Variants in MATR3 observed in about 807,000 individuals in gnomAD.
MATR3 encodes the protein matrin-3.
Under a neutral mutation model 85.5 loss-of-function variants are expected in MATR3, and 4 were observed. The observed-to-expected ratio is 0.05, with a 90% CI of 0.02 to 0.11. The LOEUF (loss-of-function observed/expected upper bound fraction) is 0.11. Among genes scored for constraint, MATR3 ranks in the 10% least tolerant of loss-of-function variants. The pLI is 1.00. For missense variants in MATR3, 685 were observed against 1,016.1 expected, an observed-to-expected ratio of 0.67 and a Z score of 4.43; for synonymous variants, 336 against 343.1, an observed-to-expected ratio of 0.98 and a Z score of 0.23.
chr5:139,318,551 T>C (rs978383032), intron 7 of MATR3, among the ~76,000 whole-genome samples: 2 of 152,206 alleles, frequency 1.3e-5, no homozygotes, highest in African/African-American at 4.8e-5. Context: ...GCCATTCTCC[T>C]GCCTCAGCCT....
At chr5:139,285,472 G>A (rs1484614808) in intron 3 of MATR3, among the ~76,000 whole-genome samples, 3 of 152,056 alleles carry the variant, frequency 2.0e-5, no homozygotes, top group Non-Finnish European at 2.9e-5. Context: ...AAGAAACTGT[G>A]GGCCAGAATA....
rs766260538 is a variant in MATR3, at chr5:139,330,574, G to C, written c.*1179G>C. On this transcript the variant is annotated 3_prime_UTR_variant, in exon 15 of 15. Coordinates refer to ENST00000394805, the MANE Select transcript of MATR3 (RefSeq NM_018834.6). ...GAGTTTTAAAAATGTTGTTGCTGGT[G>C]GATTTCTTGTTCCTGTTACATAACT... 15 of 453,890 alleles carry C rather than the reference G, an allele frequency of 3.3e-5. No homozygotes were observed. The highest frequency in any genetic ancestry group is 4.9e-5 in the Non-Finnish European group (11 of 226,756). The allele number at this position is 453,890 out of a possible 1,614,324, so 28.1% of individuals were successfully genotyped here.
chr5:139,303,000 CATAA>C (rs1754528758), intron 1 of MATR3, among the ~76,000 whole-genome samples: 1 of 149,346 alleles, frequency 6.7e-6, no homozygotes, highest in Non-Finnish European at 1.5e-5. Flanking sequence ...ATGGTTAAAC[CATAA>C]ATAATCTTTC....
chr5:139,290,405 G>A (rs1375967076), upstream of MATR3, among the ~76,000 whole-genome samples: 2 of 130,110 alleles, frequency 1.5e-5, no homozygotes, highest in Non-Finnish European at 3.1e-5. Context: ...AAAATTCTGT[G>A]ATTACAGGCA....
chr5:139,290,497 G>A (rs1382239562), upstream of MATR3, among the ~76,000 whole-genome samples: 1 of 129,918 alleles, frequency 7.7e-6, no homozygotes, highest in African/African-American at 3.1e-5. Flanking sequence ...CCTAGCTGGA[G>A]TGCAGTGCCA....
At chr5:139,311,224 T>A (rs1581239105) in intron 2 of MATR3, 1 of 152,326 alleles carries the variant, frequency 6.6e-6, no homozygotes, top group South Asian at 2.1e-4. Context: ...TTTCTGCCAT[T>A]CTGTAAGTGC....
intron 9 of MATR3, 77 bp downstream of exon 9, chr5:139,319,578 A>T (rs1755433695): frequency 1.5e-6 from 2 of 1,346,468 alleles, no homozygotes; most frequent in South Asian, 1.3e-5. Context: ...GCTGGGCGTC[A>T]TTCCTCAACC....
intron 3 of MATR3, among the ~76,000 whole-genome samples, chr5:139,285,068 G>A (rs1294058446): frequency 6.6e-6 from 1 of 152,168 alleles, no homozygotes; most frequent in Non-Finnish European, 1.5e-5. Context: ...GAACTTGTGT[G>A]GTGCTGAATG....
intron 13 of MATR3, 101 bp from the exon 14 acceptor site, chr5:139,326,062 A>C: frequency 8.7e-7 from 1 of 1,155,344 alleles, no homozygotes; most frequent in East Asian, 2.4e-5. Context: ...TGGACTTCTC[A>C]AAAACATGTT....
At chr5:139,325,862 G>A (rs545293800) in intron 13 of MATR3, among the ~76,000 whole-genome samples, 200 bp downstream of exon 13, 2 of 152,072 alleles carry the variant, frequency 1.3e-5, no homozygotes, top group African/African-American at 4.8e-5. Context: ...ATTATTTTCT[G>A]TTGTTATTCC....
At chr5:139,287,809 C>T (rs1396654201) in intron 3 of MATR3, among the ~76,000 whole-genome samples, 1 of 152,172 alleles carries the variant, frequency 6.6e-6, no homozygotes, top group African/African-American at 2.4e-5. Context: ...TGAGGTCAAA[C>T]TCCTTGTCAA....
chr5:139,316,283 T>A, intron 5 of MATR3, 95 bp downstream of exon 5: 1 of 931,230 alleles, frequency 1.1e-6, no homozygotes, highest in South Asian at 1.4e-5. Context: ...TTTGCTCTTA[T>A]CGCCCAGGCT....
chr5:139,281,583 C>T (rs1348975475), intron 3 of MATR3, among the ~76,000 whole-genome samples: 1 of 151,688 alleles, frequency 6.6e-6, no homozygotes, highest in Admixed American at 6.6e-5. Flanking sequence ...AAACTCCTTA[C>T]CTCAGGTGAT....
chr5:139,285,776 CAAT>C (rs1753682201), intron 3 of MATR3, among the ~76,000 whole-genome samples: 3 of 152,136 alleles, frequency 2.0e-5, no homozygotes, highest in Admixed American at 2.0e-4. Flanking sequence ...CTAGAGAACA[CAAT>C]GACTAAATTG....
Position 139,293,809 on chromosome 5 carries a change from G to T in MATR3, c.-178+4G>T. On this transcript the variant is annotated splice_donor_region_variant and intron_variant, in intron 1 of 14. Transcript: ENST00000394805. The stretch of plus-strand genomic sequence containing the variant: ...TTTCCCTCTCCCTTTCCCTAAGGTA[G>T]GCGTGAAGCGGGTAAGAGTCGGGGT... 1 of 405,454 alleles carries T rather than the reference G, an allele frequency of 2.5e-6. No homozygotes were observed. The highest frequency in any genetic ancestry group is 4.3e-6 in the Non-Finnish European group (1 of 232,886). The allele number at this position is 405,454 out of a possible 1,614,324, so 25.1% of individuals were successfully genotyped here.
intron 3 of MATR3, among the ~76,000 whole-genome samples, chr5:139,287,387 G>C (rs1176200445): frequency 1.3e-5 from 2 of 152,232 alleles, no homozygotes; most frequent in African/African-American, 4.8e-5. Flanking sequence ...GGGAGGCCAA[G>C]GCGGGTGGAT....
intron 3 of MATR3, chr5:139,285,355 C>T (rs1724010486): frequency 6.6e-6 from 1 of 152,114 alleles, no homozygotes; most frequent in Admixed American, 6.6e-5. Context: ...AAAAATATTC[C>T]TCTGGAAAGC....
chr5:139,318,587 C>T (rs143128636), intron 7 of MATR3, among the ~76,000 whole-genome samples: 41 of 152,286 alleles, frequency 2.7e-4, no homozygotes, highest in African/African-American at 8.7e-4. Flanking sequence ...GGACTACAGA[C>T]GTCCACCATT....
At chr5:139,322,108 TG>T in intron 10 of MATR3, 79 bp downstream of exon 10, 1 of 1,479,754 alleles carries the variant, frequency 6.8e-7, no homozygotes, top group South Asian at 1.2e-5. Context: ...TAAACATTTT[TG>T]TATGCTAAAA....
Sources: gnomAD v4.1 joint callset for allele counts (sites outside exome capture counted in the v4.1 genomes callset) on GRCh38, gnomAD v4.1.1 for gene constraint, MANE v1.5 for transcripts, NCBI Gene and HGNC (gene_info 2026-07-23, HGNC 2026-07-21) for gene names.